Variants in R3HDM1 observed in about 807,000 individuals in gnomAD.
R3HDM1 encodes the protein R3H domain containing 1, also known as R3H domain-containing protein 1.
A neutral mutation model predicts 141.1 loss-of-function variants in R3HDM1; 46 were observed. The ratio of observed to expected loss-of-function variants is 0.33; its 90% confidence interval spans 0.26 to 0.42. The LOEUF is 0.42. R3HDM1 is among the 10% of genes least tolerant of loss of function. R3HDM1 has a pLI of 1.00. For synonymous variants in R3HDM1, 435 were observed against 472.9 expected, an observed-to-expected ratio of 0.92 and a Z score of 1.04; for missense variants, 1,184 against 1,368.3, an observed-to-expected ratio of 0.87 and a Z score of 2.12.
intron 19 of R3HDM1, chr2:135,667,274 T>C (rs1163867671): frequency 1.1e-6 from 1 of 899,744 alleles, no homozygotes; most frequent in African/African-American, 1.8e-5. Context: ...GAACCATCAG[T>C]TTATATTGTC....
intron 26 of R3HDM1, 50 bp downstream of exon 26, chr2:135,722,603 C>G: frequency 2.0e-6 from 3 of 1,523,832 alleles, no homozygotes; most frequent in Non-Finnish European, 2.7e-6. Flanking sequence ...TGGTGACAGT[C>G]TAAAAATACA....
chr2:135,668,611 T>C (rs929433189), intron 19 of R3HDM1, among the ~76,000 whole-genome samples: 2 of 152,218 alleles, frequency 1.3e-5, no homozygotes, highest in Non-Finnish European at 2.9e-5. Context: ...CTGGTGAATT[T>C]TCCTGCCTTG....
chr2:135,668,042 G>C (rs1276592214), intron 19 of R3HDM1, among the ~76,000 whole-genome samples: 1 of 152,126 alleles, frequency 6.6e-6, no homozygotes, highest in African/African-American at 2.4e-5. Context: ...GTAATTAAAT[G>C]ATCCTTTATT....
chr2:135,688,472 T>G (rs2071755206), intron 21 of R3HDM1, among the ~76,000 whole-genome samples: 1 of 152,080 alleles, frequency 6.6e-6, no homozygotes, highest in Admixed American at 6.5e-5. Flanking sequence ...CTTCCTGTTT[T>G]GGGGGATTTT....
At chr2:135,688,311 C>T (rs1332541262) in intron 21 of R3HDM1, among the ~76,000 whole-genome samples, 1 of 152,134 alleles carries the variant, frequency 6.6e-6, no homozygotes, top group African/African-American at 2.4e-5. Flanking sequence ...ATCAACAATA[C>T]AGTACATCCA....
At chr2:135,629,953 C>T (rs2062469992) in intron 7 of R3HDM1, among the ~76,000 whole-genome samples, 1 of 151,844 alleles carries the variant, frequency 6.6e-6, no homozygotes, top group Non-Finnish European at 1.5e-5. Context: ...GCCAGAAATC[C>T]TGTTGCCTGG....
intron 1 of R3HDM1, chr2:135,565,703 CTTGA>C (rs1460620428): frequency 6.6e-6 from 1 of 151,736 alleles, no homozygotes; most frequent in Non-Finnish European, 1.5e-5. Context: ...CAGAGCCAGA[CTTGA>C]TTTTCTTTTT....
At chr2:135,539,282 C>T (rs1468462413) in intron 1 of R3HDM1, among the ~76,000 whole-genome samples, 1 of 152,002 alleles carries the variant, frequency 6.6e-6, no homozygotes, top group Non-Finnish European at 1.5e-5. Flanking sequence ...TCAAGTATTA[C>T]GTGCTGTACA....
chr2:135,670,652 T>C (rs1317325251), intron 19 of R3HDM1, among the ~76,000 whole-genome samples: 1 of 152,224 alleles, frequency 6.6e-6, no homozygotes, highest in Non-Finnish European at 1.5e-5. Context: ...TATAAGTGAT[T>C]ATTTTCCCAT....
At position 135,680,079 on chromosome 2, in the gene R3HDM1, C is replaced by A. The variant is rs1378712360; in HGVS notation, c.2308-94C>A. On this transcript the variant is annotated intron_variant, in intron 20 of 26. Transcript: ENST00000683871. ...TGGGCAACAGAGCAAGAATTCATCT[C>A]GAAAAAAATAAAGTTTATGGAGGTT... 5 of 1,306,680 alleles carry A rather than the reference C, an allele frequency of 3.8e-6. No homozygotes were observed. The African/African-American group carries it at 4.4e-5, about 12-fold the overall frequency. 80.9% of individuals were successfully genotyped at this position (1,306,680 alleles called of 1,614,324 possible).
rs145152200 is a variant in R3HDM1, at chr2:135,680,620, G to T, written c.2459+296G>T. Among the ~76,000 whole-genome samples the T allele has an allele frequency of 6.1e-3, 925 of 152,252 alleles. 6 individuals carry two copies. The highest frequency in any genetic ancestry group is 0.02 in the Middle Eastern group (6 of 294). ...CCCCGTCTCTACTAATAATACAGAA[G>T]TTAGCTGGGCAAGGTGGCGTACGCC... On this transcript the variant is annotated intron_variant, in intron 21 of 26. Transcript: ENST00000683871.
At chr2:135,607,999 G>C in intron 3 of R3HDM1, 1 of 969,674 alleles carries the variant, frequency 1.0e-6, no homozygotes, top group Non-Finnish European at 1.2e-6. Context: ...CATATTCATT[G>C]TTTATTGAAG....
intron 21 of R3HDM1, among the ~76,000 whole-genome samples, chr2:135,699,040 T>TTG (rs2073797269): frequency 8.8e-6 from 1 of 113,764 alleles, no homozygotes; most frequent in Admixed American, 8.0e-5. Context: ...GATAGATAGA[T>TTG]AGATAAGATA....
intron 11 of R3HDM1, 145 bp from the exon 12 acceptor site, chr2:135,638,473 T>A (rs972971445): frequency 6.5e-6 from 5 of 774,374 alleles, no homozygotes; most frequent in African/African-American, 3.5e-5. Context: ...AGAAAAAAAA[T>A]TCCATTATTA....
At chr2:135,652,828 A>C (rs2065293126) in intron 18 of R3HDM1, among the ~76,000 whole-genome samples, 1 of 152,206 alleles carries the variant, frequency 6.6e-6, no homozygotes, top group Non-Finnish European at 1.5e-5. Context: ...TAGATATAAA[A>C]TGATTCCAGT....
At chr2:135,610,394 G>A (rs1178949811) in intron 3 of R3HDM1, among the ~76,000 whole-genome samples, 1 of 152,194 alleles carries the variant, frequency 6.6e-6, no homozygotes, top group Non-Finnish European at 1.5e-5. Flanking sequence ...GGCCTTGTGT[G>A]CCAGAGTCAA....
At chr2:135,712,731 T>C (rs944293744) in intron 23 of R3HDM1, among the ~76,000 whole-genome samples, 7 of 149,038 alleles carry the variant, frequency 4.7e-5, no homozygotes, top group African/African-American at 1.7e-4. Context: ...ACCATCCTGG[T>C]TAACATGGTG....
At chr2:135,568,202 AC>A (rs1703238927) in intron 1 of R3HDM1, among the ~76,000 whole-genome samples, 1 of 151,730 alleles carries the variant, frequency 6.6e-6, no homozygotes, top group Admixed American at 6.6e-5. Context: ...GACTATAGGC[AC>A]ATGCCACCAT....
At chr2:135,612,625 C>G (rs983050640) in intron 3 of R3HDM1, among the ~76,000 whole-genome samples, 1 of 152,080 alleles carries the variant, frequency 6.6e-6, no homozygotes, top group African/African-American at 2.4e-5. Flanking sequence ...CAGTATAAAA[C>G]AATGTAAATT....
Sources: gnomAD v4.1 joint callset for allele counts (sites outside exome capture counted in the v4.1 genomes callset) on GRCh38, gnomAD v4.1.1 for gene constraint, MANE v1.5 for transcripts, NCBI Gene and HGNC (gene_info 2026-07-23, HGNC 2026-07-21) for gene names.